The following CCDC33 variants were observed in gnomAD, a reference collection of about 807,000 sequenced individuals.
CCDC33 encodes coiled-coil domain-containing protein 33.
CCDC33 carries 94 observed loss-of-function variants against 91.9 expected under a neutral mutation model. The observed-to-expected ratio is 1.02, with a 90% confidence interval of 0.87 to 1.21. The LOEUF (loss-of-function observed/expected upper bound fraction) is 1.21, where lower values mean the gene tolerates loss of function less well. CCDC33 is among the 50% of genes most tolerant of loss of function. CCDC33 has a pLI of 0.00. For synonymous variants in CCDC33, 396 were observed against 374.5 expected (o/e 1.06, Z -0.66); for missense variants, 940 against 935.5 (o/e 1.00, Z -0.06).
chr15:74,290,827 A>G (rs2059571505), intron 10 of CCDC33, among the ~76,000 whole-genome samples: 1 of 152,202 alleles, frequency 6.6e-6, no homozygotes, highest in Non-Finnish European at 1.5e-5. Flanking sequence ...GAGCAGCAGT[A>G]GGATGTGATT....
chr15:74,228,808 C>T (rs915596492), intron 2 of CCDC33, among the ~76,000 whole-genome samples: 7 of 152,218 alleles, frequency 4.6e-5, no homozygotes, highest in African/African-American at 1.7e-4. Flanking sequence ...AGGGGCCGGG[C>T]CAGCTCCACG....
At chr15:74,254,255 A>G (rs764390502) in intron 2 of CCDC33, among the ~76,000 whole-genome samples, 11 of 151,540 alleles carry the variant, frequency 7.3e-5, no homozygotes, top group Non-Finnish European at 1.5e-4. Flanking sequence ...CTGGTCTCGA[A>G]CTCCTGACTT....
chr15:74,329,803 T>C (rs933337896), intron 11 of CCDC33, among the ~76,000 whole-genome samples: 10 of 152,138 alleles, frequency 6.6e-5, no homozygotes, highest in Non-Finnish European at 1.2e-4. Context: ...AGTTAGAAGA[T>C]GGGGAAGGAG....
chr15:74,222,185 A>G (rs1219246273), intron 2 of CCDC33, among the ~76,000 whole-genome samples: 2 of 152,208 alleles, frequency 1.3e-5, no homozygotes, highest in Admixed American at 1.3e-4. Flanking sequence ...CTGGTACCTC[A>G]CTGCCCTCTC....
chr15:74,290,159 AACCATTTGTT>A (rs147080875), intron 10 of CCDC33, among the ~76,000 whole-genome samples: 1,729 of 149,748 alleles, frequency 0.012, 40 homozygotes, highest in African/African-American at 0.04. Flanking sequence ...TTCATTCATT[AACCATTTGTT>A]AGGTTTCTTT....
In CCDC33 at chr15:74,204,913, C is replaced by T. The variant is rs542311208; in HGVS notation, n.89+1815C>T. The stretch of plus-strand genomic sequence containing the variant: ...TCGTGCCACTGCACTCCAGCCTGGA[C>T]AAAAGAGGCAAACTCCATCTCAAAA... On this transcript the variant is annotated intron_variant and non_coding_transcript_variant, in intron 1 of 3. Transcript: ENST00000558645. 2.0e-5 allele frequency among the ~76,000 whole-genome samples: 3 copies of T among 151,352 alleles called. No individual in the cohort carries two copies. The East Asian group carries it at 5.8e-4, about 29-fold the overall frequency.
intron 1 of CCDC33, chr15:74,209,008 C>G: frequency 9.4e-7 from 1 of 1,059,976 alleles, no homozygotes; most frequent in Non-Finnish European, 1.1e-6. Flanking sequence ...TCCCCAGCAC[C>G]TGCTTTAAAA....
intron 1 of CCDC33, among the ~76,000 whole-genome samples, chr15:74,240,609 TTTG>T (rs1391998116): frequency 6.6e-6 from 1 of 151,984 alleles, no homozygotes; most frequent in Admixed American, 6.6e-5. Context: ...AGGTCTTTTT[TTTG>T]TTGTTGTTGT....
upstream of CCDC33, among the ~76,000 whole-genome samples, chr15:74,214,410 A>G (rs568775323): frequency 2.0e-5 from 3 of 152,092 alleles, no homozygotes; most frequent in Non-Finnish European, 1.5e-5. Flanking sequence ...CCTCTGGGGA[A>G]CCAGGCCCTG....
intron 2 of CCDC33, among the ~76,000 whole-genome samples, chr15:74,223,678 C>T (rs959484481): frequency 2.3e-5 from 3 of 130,656 alleles, no homozygotes; most frequent in East Asian, 2.0e-4. Flanking sequence ...AGGTCAGCCC[C>T]GTCCAGGCAG....
chr15:74,326,842 C>A (rs1351320561), intron 11 of CCDC33, among the ~76,000 whole-genome samples: 1 of 152,076 alleles, frequency 6.6e-6, no homozygotes, highest in African/African-American at 2.4e-5. Context: ...AGGACCACAA[C>A]AGGAATCTGG....
intron 11 of CCDC33, chr15:74,302,043 C>A (rs947818989): frequency 2.0e-5 from 3 of 152,176 alleles, no homozygotes; most frequent in Non-Finnish European, 4.4e-5. Flanking sequence ...AACCTCCTTA[C>A]ACTGGAATAA....
At position 74,316,276 on chromosome 15, in the gene CCDC33, T is replaced by C. The variant is rs1869614005; in HGVS notation, c.1291-13913T>C. On this transcript the variant is annotated intron_variant, in intron 11 of 18. Transcript: ENST00000398814. This position sits in a 1 kb window ranked among gnomAD's most constrained non-coding sequence, Gnocchi z 4.7. The stretch of plus-strand genomic sequence containing the variant: ...ATGTCCGGTGATGGGTCCCTGAGGG[T>C]CCGCTGGGGCGCCCCTCCAGCCTCC... Among the ~76,000 whole-genome samples the C allele has an allele frequency of 6.6e-6, 1 of 152,114 alleles. No homozygotes were observed. Among genetic ancestry groups the C allele is most frequent in the African/African-American group, 2.4e-5 (1 of 41,420 alleles).
chr15:74,286,041 T>C (rs2059467536), intron 10 of CCDC33, among the ~76,000 whole-genome samples: 1 of 152,262 alleles, frequency 6.6e-6, no homozygotes, highest in Non-Finnish European at 1.5e-5. Flanking sequence ...AGGTCAGGAA[T>C]TCAAGACCAG....
In CCDC33 at chr15:74,272,369, T is replaced by A. The variant is rs568295818; in HGVS notation, c.639-402T>A. Among the ~76,000 whole-genome samples the A allele has an allele frequency of 2.0e-5, 3 of 152,300 alleles. No individual in the cohort carries two copies. In the South Asian group the frequency reaches 6.2e-4, roughly 32 times the overall value. Reference sequence around the variant, plus strand: ...CCTCCCCTAGACCTCCTTTTGAGTCTGTTGGAGTCACAGTCCTCAAGAGGA... The same window carrying A: ...CCTCCCCTAGACCTCCTTTTGAGTCAGTTGGAGTCACAGTCCTCAAGAGGA... On this transcript the variant is annotated intron_variant, in intron 6 of 18. Transcript: ENST00000398814.
In CCDC33 at chr15:74,244,993, G is replaced by T. The variant is rs767444778; in HGVS notation, c.185+845G>T. ...GTCTGTTGCCCACATTTCCTTTTGG[G>T]GAGTGCCTGCCCCAGCCCACTCACC... On this transcript the variant is annotated intron_variant, in intron 2 of 18. Coordinates refer to ENST00000398814, the MANE Select transcript of CCDC33 (RefSeq NM_025055.5). The surrounding 1 kb of genome is among the most constrained non-coding windows in gnomAD (Gnocchi z 4.2). 6.6e-6 allele frequency among the ~76,000 whole-genome samples: 1 copy of T among 152,002 alleles called. No homozygotes were observed. Among genetic ancestry groups the T allele is most frequent in the African/African-American group, 2.4e-5 (1 of 41,358 alleles).
At chr15:74,253,312 C>T (rs981373178) in intron 2 of CCDC33, among the ~76,000 whole-genome samples, 5 of 152,182 alleles carry the variant, frequency 3.3e-5, no homozygotes, top group Admixed American at 6.5e-5. Context: ...CTTTATGTAG[C>T]TTCCCTCTCC....
exon 1 of CCDC33, chr15:74,217,307 A>G: frequency 3.1e-6 from 4 of 1,287,296 alleles, no homozygotes; most frequent in Non-Finnish European, 4.1e-6. Context: ...GGGTCTCTGC[A>G]TCCCTGCTGA....
chr15:74,295,910 G>A lies in CCDC33; in HGVS notation c.1252G>A (p.Glu418Lys), dbSNP rs2059676935. 4 of 1,613,952 alleles carry A rather than the reference G, an allele frequency of 2.5e-6. No individual in the cohort carries two copies. Among genetic ancestry groups the A allele is most frequent in the Non-Finnish European group, 3.4e-6 (4 of 1,179,942 alleles). ...DLSTSTPREA[E>K]EEPLVPEMSH... is the part of the protein sequence containing the mutation. ...GAGCACGTCCACTCCACGAGAAGCAGAGGAGGAACCTCTGGTGCCTGAGAT... is the reference window on the plus strand; with the variant it reads ...GAGCACGTCCACTCCACGAGAAGCAAAGGAGGAACCTCTGGTGCCTGAGAT... Residue 418 changes from glutamate to lysine, a missense_variant, in exon 11 of 19, where the codon GAG becomes AAG. Glu to Lys is a moderately conservative substitution (Grantham distance 56, BLOSUM62 1). Transcript: ENST00000398814.
Sources: allele counts gnomAD v4.1 joint callset (sites outside exome capture counted in the v4.1 genomes callset), GRCh38; gene constraint gnomAD v4.1.1; non-coding constraint Gnocchi (gnomAD v3.1); transcripts MANE v1.5; gene names NCBI Gene and HGNC (gene_info 2026-07-23, HGNC 2026-07-21).